COL24A1: variants seen among roughly 807,000 people sequenced by gnomAD.
COL24A1 encodes the protein collagen alpha-1(XXIV) chain.
A neutral mutation model predicts 253.9 loss-of-function variants in COL24A1; 224 were observed. The ratio of observed to expected loss-of-function variants is 0.88; its 90% CI spans 0.79 to 0.99. The LOEUF (loss-of-function observed/expected upper bound fraction) is 0.99. COL24A1 is among the 50% of genes least tolerant of loss of function. The pLI is 0.00. For synonymous variants in COL24A1, 685 were observed against 673.7 expected, an observed-to-expected ratio of 1.02 and a Z score of -0.26; for missense variants, 2,131 against 2,068.5, an observed-to-expected ratio of 1.03 and a Z score of -0.59.
chr1:85,745,312 G>T (rs561128055), intron 56 of COL24A1, 129 bp downstream of exon 56: 4 of 512,810 alleles, frequency 7.8e-6, no homozygotes, highest in South Asian at 4.1e-5. Flanking sequence ...CTTGAGAATG[G>T]TTTCACATTT....
chr1:85,863,852 C>T (rs1283816497), intron 37 of COL24A1, among the ~76,000 whole-genome samples: 1 of 152,150 alleles, frequency 6.6e-6, no homozygotes, highest in African/African-American at 2.4e-5. Context: ...AATGAGATAC[C>T]ATCTCACACC....
At chr1:85,766,236 G>A (rs113613469) in intron 53 of COL24A1, among the ~76,000 whole-genome samples, 3,115 of 151,864 alleles carry the variant, frequency 0.021, 101 homozygotes, top group African/African-American at 0.071. Context: ...TGGGTGTGGT[G>A]CTGGATGCCT....
intron 10 of COL24A1, among the ~76,000 whole-genome samples, chr1:86,057,574 T>A (rs1700759393): frequency 1.3e-5 from 2 of 152,206 alleles, no homozygotes; most frequent in Non-Finnish European, 2.9e-5. Context: ...AATAAAATGA[T>A]CTCAGCCTTG....
At chr1:85,806,776 T>C (rs189262575) in intron 47 of COL24A1, among the ~76,000 whole-genome samples, 1 of 152,334 alleles carries the variant, frequency 6.6e-6, no homozygotes, top group African/African-American at 2.4e-5. Flanking sequence ...TGTTTGCCTT[T>C]TGAGATCCAG....
chr1:85,913,606 T>C (rs779828256), intron 24 of COL24A1, among the ~76,000 whole-genome samples: 12 of 152,348 alleles, frequency 7.9e-5, no homozygotes, highest in Non-Finnish European at 1.5e-4. Flanking sequence ...GGGCTTCTTA[T>C]GCCCCTGAAT....
chr1:85,958,093 A>C (rs1199932224), intron 24 of COL24A1, among the ~76,000 whole-genome samples: 2 of 152,208 alleles, frequency 1.3e-5, no homozygotes, highest in East Asian at 3.8e-4. Flanking sequence ...TATCACTTTT[A>C]ATCCTCATAA....
chr1:86,001,162 A>T (rs511363), intron 19 of COL24A1, among the ~76,000 whole-genome samples: 24,940 of 152,218 alleles, frequency 0.16, 2,737 homozygotes, highest in African/African-American at 0.31. Context: ...CAGCATATGC[A>T]AGTATCATCA....
At chr1:85,945,742 TAGG>T (rs1689268703) in intron 24 of COL24A1, among the ~76,000 whole-genome samples, 2 of 151,426 alleles carry the variant, frequency 1.3e-5, no homozygotes, top group African/African-American at 4.9e-5. Context: ...AGACTTCCTA[TAGG>T]CAACTTAAGT....
At chr1:85,992,287 G>A (rs1694363629) in intron 19 of COL24A1, among the ~76,000 whole-genome samples, 1 of 152,174 alleles carries the variant, frequency 6.6e-6, no homozygotes, top group Non-Finnish European at 1.5e-5. Flanking sequence ...ATTCCATGGT[G>A]TATATGATAA....
At chr1:86,104,039 C>A (rs995299658) in intron 5 of COL24A1, among the ~76,000 whole-genome samples, 7 of 152,170 alleles carry the variant, frequency 4.6e-5, no homozygotes, top group African/African-American at 1.7e-4. Context: ...TAGATTTGGT[C>A]TCTTTACATG....
At chr1:85,920,894 G>A (rs184916169) in intron 24 of COL24A1, among the ~76,000 whole-genome samples, 2 of 151,416 alleles carry the variant, frequency 1.3e-5, no homozygotes, top group African/African-American at 4.9e-5. Context: ...GAACAAGAAG[G>A]GAATCTAATG....
chr1:85,864,076 A>T (rs1055217373), intron 37 of COL24A1, among the ~76,000 whole-genome samples: 1 of 152,166 alleles, frequency 6.6e-6, no homozygotes, highest in Admixed American at 6.6e-5. Context: ...TTATAAATCA[A>T]GCTGCTATAA....
intron 19 of COL24A1, among the ~76,000 whole-genome samples, chr1:85,997,722 A>G (rs1263891210): frequency 1.3e-5 from 2 of 151,158 alleles, no homozygotes; most frequent in Non-Finnish European, 3.0e-5. Context: ...CGGAGGTTGC[A>G]GTGAGCCAAG....
chr1:85,778,023 C>CTCTGTCTATCTATCTA (rs1553173099), intron 52 of COL24A1, among the ~76,000 whole-genome samples: 1 of 149,130 alleles, frequency 6.7e-6, no homozygotes, highest in Non-Finnish European at 1.5e-5. Flanking sequence ...ATGTCTCTAT[C>CTCTGTCTATCTATCTA]TCTATCTATC....
rs1249185206 is a variant in COL24A1, at chr1:85,823,543, CCT to C, written c.3780_3781del (p.Gly1261IlefsTer2). On this transcript the variant is annotated frameshift_variant, in exon 45 of 60. Coordinates refer to ENST00000370571, the MANE Select transcript of COL24A1 (RefSeq NM_152890.7). LOFTEE classifies it high-confidence loss of function. ...TAAATAATTTCAACTTACTTCAGAT[CCT>C]CTCTCTCCTTTTAGTCCTTGTTCAC... is the stretch of plus-strand genomic sequence containing the variant. 1 of 1,613,780 alleles carries C rather than the reference CCT, an allele frequency of 6.2e-7. No individual in the cohort carries two copies. Among genetic ancestry groups the C allele is most frequent in the Non-Finnish European group, 8.5e-7 (1 of 1,179,930 alleles).
At chr1:85,933,146 G>A (rs1222751551) in intron 24 of COL24A1, among the ~76,000 whole-genome samples, 8 of 149,754 alleles carry the variant, frequency 5.3e-5, no homozygotes, top group Non-Finnish European at 1.0e-4. Flanking sequence ...AAGAGAAAAT[G>A]TAAAAAACTT....
rs78783089 is a variant in COL24A1, at chr1:86,104,748, C to A, written c.1599+7819G>T. The stretch of plus-strand genomic sequence containing the variant: ...GCCCTTCAAGGTTAGGATCCCACTG[C>A]AATGGGAGGAGCTAAGTTCCTGGAC... On this transcript the variant is annotated intron_variant, in intron 5 of 59. Coordinates refer to ENST00000370571, the MANE Select transcript of COL24A1 (RefSeq NM_152890.7). Among the ~76,000 whole-genome samples, 1,277 of 152,312 alleles carry A rather than the reference C, an allele frequency of 8.4e-3. 23 individuals are homozygous for A. Among genetic ancestry groups the A allele is most frequent in the East Asian group, 0.045 (232 of 5,186 alleles).
At position 86,124,889 on chromosome 1, in the gene COL24A1, C is replaced by T; in HGVS notation, c.1447G>A (p.Glu483Lys). 6.3e-7 allele frequency: 1 copy of T among 1,599,454 alleles called. No individual in the cohort carries two copies. The change falls in exon 3 of 60, where the codon GAA (glutamate) becomes AAA (lysine). Residue 483 changes from glutamate (E) to lysine (K), a missense_variant. Physicochemically the swap from Glu to Lys is moderately conservative, Grantham distance 56. Coordinates refer to ENST00000370571, the MANE Select transcript of COL24A1 (RefSeq NM_152890.7). ...TTTGGCCCTCTCAGATACTCCATTT[C>T]AAGCATTGTATTTAGATCCTCATAA... ...YYYEDLNTML[E>K]MEYLRGPKGD... is the part of the protein sequence containing the mutation.
chr1:85,979,764 A>G (rs911877286), intron 20 of COL24A1, among the ~76,000 whole-genome samples: 1 of 152,136 alleles, frequency 6.6e-6, no homozygotes, highest in Admixed American at 6.5e-5. Context: ...CATTCAAAGA[A>G]GAATTGGTAC....
Sources: gnomAD v4.1 joint callset for allele counts (sites outside exome capture counted in the v4.1 genomes callset) on GRCh38, gnomAD v4.1.1 for gene constraint, MANE v1.5 for transcripts, NCBI Gene and HGNC (gene_info 2026-07-23, HGNC 2026-07-21) for gene names.